SYK: variants seen among roughly 807,000 people sequenced by gnomAD.
The protein encoded by SYK is tyrosine-protein kinase SYK.
A neutral mutation model predicts 77.8 loss-of-function variants in SYK; 16 were observed. The observed-to-expected ratio is 0.21, with a 90% CI of 0.14 to 0.31. The LOEUF (loss-of-function observed/expected upper bound fraction) is 0.31. Ranked by LOEUF, SYK falls within the 10% of genes least tolerant of loss-of-function variation. SYK has a pLI of 1.00. For synonymous variants in SYK, 312 were observed against 308.7 expected (o/e 1.01, Z -0.11); for missense variants, 529 against 814.4 (o/e 0.65, Z 4.26).
chr9:90,884,215 ACG>A (rs1328190521), intron 11 of SYK, among the ~76,000 whole-genome samples: 1 of 61,304 alleles, frequency 1.6e-5, no homozygotes, highest in East Asian at 8.5e-4. Flanking sequence ...GTATATATAC[ACG>A]CATATACACA....
intron 2 of SYK, among the ~76,000 whole-genome samples, chr9:90,844,620 T>G (rs1299140017): frequency 6.6e-6 from 1 of 152,202 alleles, no homozygotes; most frequent in Non-Finnish European, 1.5e-5. Context: ...TTGATTGGTT[T>G]CTGTTTATCT....
chr9:90,820,632 A>C (rs1232008130), intron 1 of SYK, among the ~76,000 whole-genome samples: 1 of 151,980 alleles, frequency 6.6e-6, no homozygotes, highest in Non-Finnish European at 1.5e-5. Flanking sequence ...CCCTGGGCCC[A>C]GGCCACGAAA....
chr9:90,831,480 C>G (rs1306625815), intron 1 of SYK, among the ~76,000 whole-genome samples: 1 of 152,178 alleles, frequency 6.6e-6, no homozygotes, highest in African/African-American at 2.4e-5. Context: ...CACAGTCTTA[C>G]ATAGAGATAA....
At chr9:90,843,258 G>A (rs1012898907) in intron 1 of SYK, among the ~76,000 whole-genome samples, 4 of 152,172 alleles carry the variant, frequency 2.6e-5, no homozygotes, top group Non-Finnish European at 5.9e-5. Flanking sequence ...AAGGCCTTAT[G>A]GTGACCACAA....
At chr9:90,824,458 A>G (rs1048594644) in intron 1 of SYK, among the ~76,000 whole-genome samples, 1 of 152,204 alleles carries the variant, frequency 6.6e-6, no homozygotes, top group African/African-American at 2.4e-5. Flanking sequence ...ACTTATATAT[A>G]CAAAAACCCT....
intron 9 of SYK, among the ~76,000 whole-genome samples, chr9:90,875,755 A>T (rs1460602495): frequency 2.6e-5 from 4 of 152,172 alleles, no homozygotes; most frequent in African/African-American, 4.8e-5. Context: ...ATATCTTTGT[A>T]TTTCTTTTGG....
chr9:90,889,944 A>T (rs79910417), intron 13 of SYK, among the ~76,000 whole-genome samples: 1,947 of 152,274 alleles, frequency 0.013, 38 homozygotes, highest in African/African-American at 0.044. Flanking sequence ...CTTTACTGAA[A>T]GTGTTCTTTG....
At chr9:90,845,247 A>G (rs139986126) in intron 2 of SYK, among the ~76,000 whole-genome samples, 187 bp from the exon 3 acceptor site, 2 of 152,300 alleles carry the variant, frequency 1.3e-5, no homozygotes, top group African/African-American at 2.4e-5. Context: ...TGTTATTTTT[A>G]TTTATACACT....
Position 90,874,200 on chromosome 9 carries a change from T to G in SYK, c.916-4T>G, listed in dbSNP as rs772133897. The G allele has an allele frequency of 5.0e-6, 8 of 1,613,692 alleles. No individual in the cohort carries two copies. Among genetic ancestry groups the G allele is most frequent in the Non-Finnish European group, 6.8e-6 (8 of 1,179,686 alleles). ...AACAACCTGTTGTCCTTTATGTACT[T>G]TAGTCCTCCCCTGCCCAAGGGAACC... On this transcript the variant is annotated splice_region_variant and splice_polypyrimidine_tract_variant and intron_variant, in intron 7 of 13. Transcript: ENST00000375754.
At chr9:90,878,983 A>AGCAGGTG (rs1828047323) in intron 11 of SYK, 30 bp downstream of exon 11, 2 of 1,491,222 alleles carry the variant, frequency 1.3e-6, no homozygotes, top group Middle Eastern at 1.8e-4. Context: ...TATTCAGAGC[A>AGCAGGTG]GCAGGTGGTA....
chr9:90,803,040 G>A (rs896035948), intron 1 of SYK, among the ~76,000 whole-genome samples: 1 of 152,056 alleles, frequency 6.6e-6, no homozygotes, highest in Non-Finnish European at 1.5e-5. Context: ...GTGAAAGTCC[G>A]AGCAGTGCAT....
At chr9:90,856,808 T>A (rs975329373) in intron 3 of SYK, among the ~76,000 whole-genome samples, 9 of 152,226 alleles carry the variant, frequency 5.9e-5, no homozygotes, top group African/African-American at 2.2e-4. Flanking sequence ...TGCTTCCTTA[T>A]GTTTTCAGTG....
intron 7 of SYK, among the ~76,000 whole-genome samples, chr9:90,868,253 C>T (rs1411775876): frequency 2.0e-5 from 3 of 152,096 alleles, no homozygotes; most frequent in African/African-American, 7.2e-5. Context: ...TTCATGTTTA[C>T]CCAAGGCAAA....
Position 90,897,586 on chromosome 9 carries a change from A to G in SYK, c.*1986A>G. The G allele has an allele frequency of 4.4e-6, 1 of 229,628 alleles. No individual in the cohort carries two copies. The highest frequency in any genetic ancestry group is 8.6e-6 in the Non-Finnish European group (1 of 115,732). 14.2% of individuals were successfully genotyped at this position (229,628 alleles called of 1,614,324 possible). ...GGCCCCGTGCTCGTAGGAATACGGT[A>G]GCACCTATGTAGGAAGTGCGTGGAG... is the stretch of plus-strand genomic sequence containing the variant. On this transcript the variant is annotated 3_prime_UTR_variant, in exon 14 of 14. Coordinates refer to ENST00000375754, the MANE Select transcript of SYK (RefSeq NM_003177.7).
rs117589960 is a variant in SYK, at chr9:90,862,389, C to G, written c.717+45C>G. On this transcript the variant is annotated intron_variant, in intron 4 of 13. Coordinates refer to ENST00000375754, the MANE Select transcript of SYK (RefSeq NM_003177.7). ...CACCTTGTGGGTAGAGTACAGGGCA[C>G]GTGGGGCTCCTTGTCCCATGGACTC... The G allele has an allele frequency of 4.4e-6, 7 of 1,587,488 alleles. No individual in the cohort carries two copies. The Admixed American group carries it at 1.0e-4, about 24-fold the overall frequency.
In SYK at chr9:90,870,765, T is replaced by A. The variant is rs550754968; in HGVS notation, c.916-3439T>A. ...CCAAAAAAAGGAAACCAAACCTAGT[T>A]TATTGCAGCCAATATTTCTAAAGCC... is the stretch of plus-strand genomic sequence containing the variant. On this transcript the variant is annotated intron_variant, in intron 7 of 13. Coordinates refer to ENST00000375754, the MANE Select transcript of SYK (RefSeq NM_003177.7). 8.5e-5 allele frequency among the ~76,000 whole-genome samples: 13 copies of A among 152,308 alleles called. No individual in the cohort carries two copies. The South Asian group carries it at 1.7e-3, about 19-fold the overall frequency.
At chr9:90,812,365 G>A (rs1825115420) in intron 1 of SYK, among the ~76,000 whole-genome samples, 1 of 152,146 alleles carries the variant, frequency 6.6e-6, no homozygotes, top group Non-Finnish European at 1.5e-5. Context: ...CTCCAATGAA[G>A]AGCGAGGCTT....
intron 1 of SYK, among the ~76,000 whole-genome samples, chr9:90,831,487 A>T (rs1825890276): frequency 2.6e-5 from 4 of 152,228 alleles, no homozygotes; most frequent in Admixed American, 2.6e-4. Flanking sequence ...TTACATAGAG[A>T]TAACTATTTT....
At chr9:90,838,366 T>C (rs2118569892) in intron 1 of SYK, among the ~76,000 whole-genome samples, 1 of 152,312 alleles carries the variant, frequency 6.6e-6, no homozygotes, top group South Asian at 2.1e-4. Flanking sequence ...TTTAAAGGGC[T>C]GCTGCCTTAT....
Sources: allele counts gnomAD v4.1 joint callset (sites outside exome capture counted in the v4.1 genomes callset), GRCh38; gene constraint gnomAD v4.1.1; transcripts MANE v1.5; gene names NCBI Gene and HGNC (gene_info 2026-07-23, HGNC 2026-07-21).